Variants in ARMH1 observed in about 807,000 individuals in gnomAD.
ARMH1 encodes armadillo-like helical domain containing protein 1.
Under a neutral mutation model 50.2 loss-of-function variants are expected in ARMH1, and 34 were observed. That is an observed-to-expected ratio of 0.68 (90% CI 0.51 to 0.90). The LOEUF (loss-of-function observed/expected upper bound fraction) is 0.90. Among genes scored for constraint, ARMH1 ranks in the 40% least tolerant of loss-of-function variants. ARMH1 has a pLI of 0.00. For missense variants in ARMH1, 538 were observed against 553.9 expected, an observed-to-expected ratio of 0.97 and a Z score of 0.29; for synonymous variants, 221 against 224.2, an observed-to-expected ratio of 0.99 and a Z score of 0.13.
chr1:44,696,230 A>G (rs6665374), intron 2 of ARMH1, among the ~76,000 whole-genome samples: 16,882 of 152,242 alleles, frequency 0.11, 2,601 homozygotes, highest in African/African-American at 0.34. Flanking sequence ...CTCTACTTCT[A>G]TTGGCATCCT....
chr1:44,704,029 A>G, intron 5 of ARMH1, 60 bp from the exon 6 acceptor site: 1 of 1,410,572 alleles, frequency 7.1e-7, no homozygotes, highest in African/African-American at 1.4e-5. Flanking sequence ...CCCGGCCGGG[A>G]ATCCATCTTT....
At chr1:44,700,195 C>T (rs1325120667) in intron 4 of ARMH1, among the ~76,000 whole-genome samples, 2 of 152,152 alleles carry the variant, frequency 1.3e-5, no homozygotes, top group East Asian at 1.9e-4. Flanking sequence ...GCCTGTCTAC[C>T]CCATGGCCTC....
At chr1:44,694,509 C>CTTTTTTTT (rs10531731) in intron 2 of ARMH1, among the ~76,000 whole-genome samples, 115 of 113,626 alleles carry the variant, frequency 1.0e-3, no homozygotes, top group Non-Finnish European at 1.7e-3. Flanking sequence ...TTCTTTTTTT[C>CTTTTTTTT]TTTTTTTTTT....
Position 44,692,558 on chromosome 1 carries a change from G to A in ARMH1, c.206+2655G>A, listed in dbSNP as rs534760804. ...ATGCCTGGCACATGTTTGCTGAGTAGAGGAATGAATGACCCAGCATCTGCA... is the reference window on the plus strand; with the variant it reads ...ATGCCTGGCACATGTTTGCTGAGTAAAGGAATGAATGACCCAGCATCTGCA... On this transcript the variant is annotated intron_variant, in intron 2 of 11. Transcript: ENST00000535358. Among the ~76,000 whole-genome samples, 271 of 152,234 alleles carry A rather than the reference G, an allele frequency of 1.8e-3. 1 individual carries two copies. The highest frequency in any genetic ancestry group is 6.3e-3 in the African/African-American group (263 of 41,544).
At chr1:44,718,919 G>A (rs1484123864) in intron 6 of ARMH1, among the ~76,000 whole-genome samples, 1 of 151,554 alleles carries the variant, frequency 6.6e-6, no homozygotes, top group Non-Finnish European at 1.5e-5. Context: ...CAGCTACTTG[G>A]GAGGCTGAGA....
intron 2 of ARMH1, 89 bp from the exon 3 acceptor site, chr1:44,697,012 TG>T: frequency 1.0e-6 from 1 of 963,570 alleles, no homozygotes; most frequent in South Asian, 1.4e-5. Flanking sequence ...TTGGCCACCC[TG>T]GGCCCGGGGT....
At chr1:44,690,755 C>T (rs1173400700) in intron 2 of ARMH1, among the ~76,000 whole-genome samples, 6 of 152,010 alleles carry the variant, frequency 3.9e-5, no homozygotes, top group South Asian at 4.1e-4. Flanking sequence ...CTCAGCTCAC[C>T]GCAACCTCTG....
chr1:44,714,186 C>T (rs183815826), intron 6 of ARMH1, among the ~76,000 whole-genome samples: 48 of 150,668 alleles, frequency 3.2e-4, no homozygotes, highest in African/African-American at 1.0e-3. Context: ...AGTAGAATGG[C>T]GTGAACCTGG....
At chr1:44,721,663 AGGTTGTAGTGAGCCGCGACCAC>A (rs369715674) in intron 6 of ARMH1, 2 of 152,106 alleles carry the variant, frequency 1.3e-5, no homozygotes, top group African/African-American at 4.8e-5. Flanking sequence ...TGGGAGATGG[AGGTTGTAGTGAGCCGCGACCAC>A]ACCACTCCGC....
rs116927104 is a variant in ARMH1 at position 44,717,477 on chromosome 1, A to T, written c.725-6645A>T. Reference sequence around the variant, plus strand: ...AATTCACGCATCACCGTCTCCAAGGAATCCTTCTCCTGATTCTCCATCCCC... The same window carrying T: ...AATTCACGCATCACCGTCTCCAAGGTATCCTTCTCCTGATTCTCCATCCCC... On this transcript the variant is annotated intron_variant, in intron 6 of 11. Transcript: ENST00000535358. 1.9e-4 allele frequency among the ~76,000 whole-genome samples: 29 copies of T among 152,262 alleles called. No homozygotes were observed. The East Asian group carries it at 5.4e-3, about 28-fold the overall frequency.
rs1184184744 is a variant in ARMH1 at position 44,724,548 on chromosome 1, G to A, written c.930G>A (p.Ala310=). ...CGAACCCCCGGCCCAGGGTCCTGGC[G>A]CGCAACGACATGAGCATCGCCGAGG... ...AAAAKAIGVL[A]RNDMSIAEEL... Residue 310 remains alanine, a synonymous_variant, in exon 9 of 12, where the codon GCG becomes GCA. Transcript: ENST00000535358. This position sits in a 1 kb window ranked among gnomAD's most constrained non-coding sequence, Gnocchi z 6.4. 2 of 1,510,888 alleles carry A rather than the reference G, an allele frequency of 1.3e-6. No individual in the cohort carries two copies. The highest frequency in any genetic ancestry group is 1.8e-6 in the Non-Finnish European group (2 of 1,132,576). The allele number at this position is 1,510,888 out of a possible 1,614,324, so 93.6% of individuals were successfully genotyped here. A position where few individuals can be genotyped will look rare whatever the true frequency, so the allele number is the denominator to read the frequency against.
chr1:44,716,700 A>G (rs1310171980), intron 6 of ARMH1, among the ~76,000 whole-genome samples: 3 of 152,128 alleles, frequency 2.0e-5, no homozygotes, highest in African/African-American at 7.2e-5. Context: ...TCAGGTCTTC[A>G]TACTGCTCAC....
Position 44,689,692 on chromosome 1 carries a change from T to C in ARMH1, c.-6T>C. 6.4e-7 allele frequency: 1 copy of C among 1,551,872 alleles called. No individual in the cohort carries two copies. The highest frequency in any genetic ancestry group is 8.7e-7 in the Non-Finnish European group (1 of 1,146,974). On this transcript the variant is annotated 5_prime_UTR_variant, in exon 2 of 12. Transcript: ENST00000535358. ...CCTCTGTAGCCAACTTCAGGACTGA[T>C]TGATCATGACTTCTATAAAGGAGCA...
intron 6 of ARMH1, among the ~76,000 whole-genome samples, chr1:44,712,541 A>G (rs1454357922): frequency 1.3e-5 from 2 of 151,114 alleles, no homozygotes; most frequent in African/African-American, 4.8e-5. Context: ...ACCGCAAAAA[A>G]AAAAAAAAAA....
At chr1:44,675,070 T>C (rs577790483) in intron 1 of ARMH1, among the ~76,000 whole-genome samples, 197 bp downstream of exon 1, 1 of 152,266 alleles carries the variant, frequency 6.6e-6, no homozygotes, top group East Asian at 1.9e-4. Flanking sequence ...TTCTTGCATT[T>C]ATCTATATTT....
intron 1 of ARMH1, among the ~76,000 whole-genome samples, chr1:44,680,322 G>A (rs1031463580): frequency 3.3e-5 from 5 of 152,310 alleles, no homozygotes; most frequent in South Asian, 2.1e-4. Flanking sequence ...GACTACAGGC[G>A]CGTGCCACCA....
In ARMH1 at chr1:44,682,462, A is replaced by G. The variant is rs1448567308; in HGVS notation, c.-22-7214A>G. Among the ~76,000 whole-genome samples the G allele has an allele frequency of 6.6e-6, 1 of 152,152 alleles. No homozygotes were observed. Among genetic ancestry groups the G allele is most frequent in the East Asian group, 1.9e-4 (1 of 5,188 alleles). ...GCAGCCCCCTTCCTGATTTAGAAGC[A>G]GCAGCAGCATGGGTTGAGGCAAGGG... is the stretch of plus-strand genomic sequence containing the variant. On this transcript the variant is annotated intron_variant, in intron 1 of 11. Transcript: ENST00000535358. The surrounding 1 kb of genome is among the most constrained non-coding windows in gnomAD (Gnocchi z 4.5).
intron 6 of ARMH1, among the ~76,000 whole-genome samples, chr1:44,716,787 A>G (rs1297722354): frequency 6.6e-6 from 1 of 151,960 alleles, no homozygotes; most frequent in Non-Finnish European, 1.5e-5. Context: ...GTCCACCACC[A>G]GAGTGGAGGC....
intron 2 of ARMH1, chr1:44,693,156 C>T (rs1341859155): frequency 6.6e-6 from 1 of 152,198 alleles, no homozygotes; most frequent in Admixed American, 6.5e-5. Flanking sequence ...ACCCTGGACC[C>T]TTATTTCTAA....
Sources: allele counts gnomAD v4.1 joint callset (sites outside exome capture counted in the v4.1 genomes callset), GRCh38; gene constraint gnomAD v4.1.1; non-coding constraint Gnocchi (gnomAD v3.1); transcripts MANE v1.5; gene names NCBI Gene and HGNC (gene_info 2026-07-23, HGNC 2026-07-21).